The following CSMD3 variants were observed in gnomAD, a reference collection of about 807,000 sequenced individuals.
CSMD3 encodes CUB and Sushi multiple domains 3.
Under a neutral mutation model 435.2 loss-of-function variants are expected in CSMD3, and 177 were observed. The ratio of observed to expected loss-of-function variants is 0.41; its 90% CI spans 0.36 to 0.46. CSMD3 has a LOEUF of 0.46. Among genes scored for constraint, CSMD3 ranks in the 20% least tolerant of loss-of-function variants. The probability of loss-of-function intolerance (pLI) is 0.34; values close to 1 mark genes in which losing one functional copy is unlikely to be tolerated. For synonymous variants in CSMD3, 1,656 were observed against 1,520.5 expected, an observed-to-expected ratio of 1.09 and a Z score of -2.07; for missense variants, 4,265 against 4,504.6, an observed-to-expected ratio of 0.95 and a Z score of 1.52.
At chr8:112,281,450 A>C in intron 58 of CSMD3, 100 bp from the exon 59 acceptor site, 1 of 963,632 alleles carries the variant, frequency 1.0e-6, no homozygotes, top group Non-Finnish European at 1.6e-6. Context: ...TATTCAAAGA[A>C]GCAATAAAAA....
chr8:112,609,225 A>AAAAAAAAAAAAAAAAAAAAAAAAAT, intron 22 of CSMD3, among the ~76,000 whole-genome samples: 1 of 138,798 alleles, frequency 7.2e-6, no homozygotes, highest in African/African-American at 2.7e-5. Context: ...AAAAAAAAAA[A>AAAAAAAAAAAAAAAAAAAAAAAAAT]AAAAAAAGAA....
At chr8:112,656,581 C>A (rs1168355136) in intron 17 of CSMD3, among the ~76,000 whole-genome samples, 2 of 151,922 alleles carry the variant, frequency 1.3e-5, no homozygotes, top group Non-Finnish European at 2.9e-5. Flanking sequence ...TCCTAAGATT[C>A]TTTCAAATAT....
chr8:112,824,650 GTAGGGTT>G (rs1323698937), intron 12 of CSMD3, among the ~76,000 whole-genome samples: 2 of 152,174 alleles, frequency 1.3e-5, no homozygotes, highest in Non-Finnish European at 2.9e-5. Flanking sequence ...CTTCTGGCTT[GTAGGGTT>G]TCTGCTGAGA....
intron 56 of CSMD3, among the ~76,000 whole-genome samples, chr8:112,291,248 T>A (rs1250662411): frequency 2.0e-5 from 3 of 151,892 alleles, no homozygotes; most frequent in African/African-American, 7.2e-5. Flanking sequence ...AAGTAGGAAA[T>A]ATGACTACTT....
At chr8:112,723,557 T>A (rs920018723) in intron 13 of CSMD3, among the ~76,000 whole-genome samples, 9 of 152,156 alleles carry the variant, frequency 5.9e-5, no homozygotes, top group African/African-American at 2.2e-4. Flanking sequence ...TTATTTTTCA[T>A]GATTATCAGC....
chr8:112,330,106 G>A (rs553335147), intron 45 of CSMD3, among the ~76,000 whole-genome samples: 1 of 152,164 alleles, frequency 6.6e-6, no homozygotes, highest in African/African-American at 2.4e-5. Context: ...AAAGGCAATC[G>A]TGACTTATGG....
At chr8:112,926,553 A>G (rs1432651534) in intron 9 of CSMD3, among the ~76,000 whole-genome samples, 5 of 152,288 alleles carry the variant, frequency 3.3e-5, no homozygotes, top group African/African-American at 1.2e-4. Context: ...TATGCTGGTC[A>G]ATGTTTAAGT....
Position 112,287,085 on chromosome 8 carries a change from C to T in CSMD3, c.9310G>A (p.Gly3104Arg), listed in dbSNP as rs201521605. The stretch of plus-strand genomic sequence containing the variant: ...TTACCTTTGCACTCTGGCTGCCTTC[C>T]GGTCCAACTGCCATTAGCTAAACAT... ...RTCLANGSWT[G>R]RQPECKAVQC... Residue 3104 changes from glycine to arginine, a missense_variant, in exon 58 of 71, where the codon GGA becomes AGA. Transcript: ENST00000297405. 16 of 1,613,564 alleles carry T rather than the reference C, an allele frequency of 9.9e-6. No individual in the cohort carries two copies. The East Asian group carries it at 1.1e-4, about 11-fold the overall frequency.
intron 3 of CSMD3, among the ~76,000 whole-genome samples, chr8:113,262,156 C>T (rs571752798): frequency 6.6e-6 from 1 of 151,992 alleles, no homozygotes; most frequent in Admixed American, 6.6e-5. Context: ...CCATTTGAAG[C>T]ATAATATATG....
chr8:113,178,307 G>A (rs560799316), intron 3 of CSMD3, among the ~76,000 whole-genome samples: 1 of 152,032 alleles, frequency 6.6e-6, no homozygotes, highest in South Asian at 2.1e-4. Flanking sequence ...ATAAATAGCA[G>A]ACTTGTGGTT....
intron 55 of CSMD3, among the ~76,000 whole-genome samples, chr8:112,292,053 C>G (rs1819818045): frequency 6.6e-6 from 1 of 151,970 alleles, no homozygotes; most frequent in South Asian, 2.1e-4. Flanking sequence ...AAATATACTT[C>G]TTTGCAAACT....
intron 22 of CSMD3, among the ~76,000 whole-genome samples, chr8:112,631,494 A>T (rs552524671): frequency 2.3e-4 from 35 of 152,226 alleles, no homozygotes; most frequent in African/African-American, 8.4e-4. Context: ...GAAATGCCAC[A>T]ACACTCATCT....
At chr8:112,335,179 A>G in intron 45 of CSMD3, 150 bp downstream of exon 45, 1 of 754,648 alleles carries the variant, frequency 1.3e-6, no homozygotes, top group Admixed American at 2.2e-5. Flanking sequence ...TTGCAAGGAA[A>G]TGTGTTTGAA....
At chr8:112,417,329 A>T (rs1395758580) in intron 32 of CSMD3, among the ~76,000 whole-genome samples, 1 of 152,164 alleles carries the variant, frequency 6.6e-6, no homozygotes, top group Non-Finnish European at 1.5e-5. Flanking sequence ...CATCTGTAAA[A>T]TAGGGATAAT....
chr8:112,261,019 G>A (rs1231628585), intron 61 of CSMD3, among the ~76,000 whole-genome samples: 1 of 152,028 alleles, frequency 6.6e-6, no homozygotes, highest in Non-Finnish European at 1.5e-5. Context: ...TATATGAACT[G>A]CAGTCTAGAC....
intron 20 of CSMD3, among the ~76,000 whole-genome samples, chr8:112,644,762 T>A (rs1234906578): frequency 6.6e-6 from 1 of 152,060 alleles, no homozygotes; most frequent in Non-Finnish European, 1.5e-5. Context: ...CATCTCATAT[T>A]CCCCTTTGAA....
At chr8:113,149,867 A>T (rs760457099) in intron 4 of CSMD3, among the ~76,000 whole-genome samples, 40 of 152,074 alleles carry the variant, frequency 2.6e-4, no homozygotes, top group Non-Finnish European at 5.0e-4. Context: ...ACAGAAATTC[A>T]GCCAAAATTT....
intron 18 of CSMD3, among the ~76,000 whole-genome samples, chr8:112,650,820 G>C (rs2075106751): frequency 1.3e-5 from 1 of 79,548 alleles, no homozygotes; most frequent in Non-Finnish European, 2.7e-5. Context: ...TTCTTCTGGT[G>C]GTTAACTGTT....
intron 19 of CSMD3, among the ~76,000 whole-genome samples, chr8:112,647,359 T>C (rs1381686123): frequency 6.6e-6 from 1 of 150,772 alleles, no homozygotes; most frequent in Non-Finnish European, 1.5e-5. Context: ...TGGAGTGCAG[T>C]GGCGCTATCT....
Sources: allele counts gnomAD v4.1 joint callset (sites outside exome capture counted in the v4.1 genomes callset), GRCh38; gene constraint gnomAD v4.1.1; transcripts MANE v1.5; gene names NCBI Gene and HGNC (gene_info 2026-07-23, HGNC 2026-07-21).